The following PCDHA13 variants were observed in gnomAD, a reference collection of about 807,000 sequenced individuals.
PCDHA13 encodes protocadherin alpha 13.
PCDHA13 carries 54 observed loss-of-function variants against 64.8 expected under a neutral mutation model. The ratio of observed to expected loss-of-function variants is 0.83; its 90% CI spans 0.67 to 1.04. PCDHA13 has a LOEUF of 1.04. PCDHA13 is among the 50% of genes least tolerant of loss of function. The pLI is 0.00. For synonymous variants in PCDHA13, 587 were observed against 564.4 expected (o/e 1.04, Z -0.57); for missense variants, 1,248 against 1,254.3 (o/e 0.99, Z 0.08).
At chr5:140,960,177 G>C (rs2095530246) in intron 1 of PCDHA13, among the ~76,000 whole-genome samples, 1 of 152,052 alleles carries the variant, frequency 6.6e-6, no homozygotes, top group Non-Finnish European at 1.5e-5. Flanking sequence ...CTTAAGTTAG[G>C]GGTTGCATGT....
intron 1 of PCDHA13, among the ~76,000 whole-genome samples, chr5:140,941,977 A>G (rs1247578104): frequency 6.6e-6 from 1 of 152,154 alleles, no homozygotes; most frequent in Admixed American, 6.5e-5. Context: ...CTTTCCCTAA[A>G]CCTTGATAAG....
intron 1 of PCDHA13, among the ~76,000 whole-genome samples, chr5:140,909,493 G>T (rs989826667): frequency 6.6e-6 from 1 of 152,184 alleles, no homozygotes; most frequent in African/African-American, 2.4e-5. Context: ...AGAGCTGAAC[G>T]GGGATGTGGT....
chr5:140,884,358 A>G lies in PCDHA13; in HGVS notation c.2090A>G (p.Asn697Ser), dbSNP rs546242835. Residue 697 changes from asparagine to serine, a missense_variant, in exon 1 of 4, where the codon AAT (asparagine) becomes AGT (serine). Coordinates refer to ENST00000289272, the MANE Select transcript of PCDHA13 (RefSeq NM_018904.3). Reference sequence around the variant, plus strand: ...CCAGAAGCGGCGCTGGTGGATGTCAATGTTTACTTGATCATTGCCATCTGC... The same window carrying G: ...CCAGAAGCGGCGCTGGTGGATGTCAGTGTTTACTTGATCATTGCCATCTGC... ...VGPEAALVDV[N>S]VYLIIAICAV... The G allele has an allele frequency of 7.8e-5, 126 of 1,613,886 alleles. 3 individuals carry two copies. The South Asian group carries it at 1.1e-3, about 14-fold the overall frequency.
intron 3 of PCDHA13, among the ~76,000 whole-genome samples, chr5:140,983,792 ATG>A (rs1384223147): frequency 6.6e-6 from 1 of 152,212 alleles, no homozygotes; most frequent in Non-Finnish European, 1.5e-5. Context: ...AGATGACAGA[ATG>A]TGTGTGTAAA....
intron 1 of PCDHA13, among the ~76,000 whole-genome samples, chr5:140,932,619 A>T (rs535899807): frequency 5.3e-5 from 8 of 152,056 alleles, no homozygotes; most frequent in African/African-American, 1.9e-4. Context: ...TGAAGCTGAT[A>T]ACCACACTAA....
chr5:140,930,197 C>G (rs1417032734), intron 1 of PCDHA13: 1 of 152,080 alleles, frequency 6.6e-6, no homozygotes, highest in African/African-American at 2.4e-5. Flanking sequence ...ATTTTTATGT[C>G]AGAAATATTT....
chr5:140,993,406 T>G (rs1382987714), intron 3 of PCDHA13, among the ~76,000 whole-genome samples: 2 of 150,884 alleles, frequency 1.3e-5, no homozygotes, highest in Non-Finnish European at 2.9e-5. Context: ...TTAACCACCT[T>G]CATCAGCATT....
In PCDHA13 at chr5:140,882,124, C is replaced by T. The variant is rs1166492594; in HGVS notation, c.-145C>T. On this transcript the variant is annotated 5_prime_UTR_variant, in exon 1 of 4. Transcript: ENST00000289272. ...CCGCGAAGAAAGCCGCCGTTTCTTT[C>T]TTCCTGCAGAAAATATAGCAGAAAG... 1.4e-6 allele frequency: 2 copies of T among 1,459,646 alleles called. No individual in the cohort carries two copies. The highest frequency in any genetic ancestry group is 1.4e-5 in the African/African-American group (1 of 70,638). 90.4% of individuals were successfully genotyped at this position (1,459,646 alleles called of 1,614,324 possible).
chr5:140,924,902 AAAATAAAAT>A (rs1211271652), intron 1 of PCDHA13, among the ~76,000 whole-genome samples: 3 of 39,024 alleles, frequency 7.7e-5, no homozygotes, highest in African/African-American at 2.3e-4. Context: ...CTCAAAAAAA[AAAATAAAAT>A]AAAATAAAAT....
chr5:140,938,092 A>G (rs1255638035), intron 1 of PCDHA13, among the ~76,000 whole-genome samples: 4 of 152,034 alleles, frequency 2.6e-5, no homozygotes, highest in African/African-American at 9.7e-5. Context: ...TAGTTTTATT[A>G]TTGTATTTTT....
rs1464189390 is a variant in PCDHA13 at position 140,882,641 on chromosome 5, G to A, written c.373G>A (p.Asp125Asn). The change falls in exon 1 of 4, where the codon GAC becomes AAC. Residue 125 changes from aspartate to asparagine, a missense_variant. Asp to Asn is a conservative substitution (Grantham distance 23, BLOSUM62 1). Coordinates refer to ENST00000289272, the MANE Select transcript of PCDHA13 (RefSeq NM_018904.3). ...QVFHVEVKVR[D>N]INDNPPIFPE... is the part of the protein sequence containing the mutation. ...TTTCCATGTGGAGGTGAAGGTGAGG[G>A]ACATTAACGACAACCCGCCCATATT... 6.2e-7 allele frequency: 1 copy of A among 1,614,104 alleles called. No homozygotes were observed. The highest frequency in any genetic ancestry group is 8.5e-7 in the Non-Finnish European group (1 of 1,180,056).
rs1340644606 is a variant in PCDHA13 at position 140,882,524 on chromosome 5, G to C, written c.256G>C (p.Val86Leu). ...EVNLQNGILF[V>L]NSRIDREELC... Reference sequence around the variant, plus strand: ...AAATCTGCAGAATGGCATTTTGTTTGTGAATTCTCGGATCGACCGCGAGGA... The same window carrying C: ...AAATCTGCAGAATGGCATTTTGTTTCTGAATTCTCGGATCGACCGCGAGGA... Residue 86 changes from valine to leucine, a missense_variant, in exon 1 of 4, where the codon GTG becomes CTG. Val to Leu is a conservative substitution (Grantham distance 32). Transcript: ENST00000289272. 16 of 1,614,090 alleles carry C rather than the reference G, an allele frequency of 9.9e-6. No homozygotes were observed. Among genetic ancestry groups the C allele is most frequent in the African/African-American group, 2.7e-5 (2 of 74,946 alleles).
rs1562773759 is a variant in PCDHA13 at position 140,882,388 on chromosome 5, A to G, written c.120A>G (p.Lys40=). 2.5e-6 allele frequency: 4 copies of G among 1,614,158 alleles called. No individual in the cohort carries two copies. The African/African-American group carries it at 4.0e-5, about 16-fold the overall frequency. ...QLHYSVPEEA[K]HGTFVGRIAQ... Reference sequence around the variant, plus strand: ...ACTACTCCGTCCCCGAGGAAGCAAAACACGGCACCTTCGTGGGCCGCATCG... The same window carrying G: ...ACTACTCCGTCCCCGAGGAAGCAAAGCACGGCACCTTCGTGGGCCGCATCG... Residue 40 remains lysine, a synonymous_variant, in exon 1 of 4, where the codon AAA becomes AAG. Transcript: ENST00000289272.
intron 1 of PCDHA13, among the ~76,000 whole-genome samples, chr5:140,914,947 T>TC (rs1232423561): frequency 7.0e-6 from 1 of 142,282 alleles, no homozygotes; most frequent in Non-Finnish European, 1.5e-5. Context: ...AAGTTGTCTT[T>TC]TTTTTTTTTT....
intron 1 of PCDHA13, among the ~76,000 whole-genome samples, chr5:140,919,051 T>G (rs1443609855): frequency 1.3e-5 from 2 of 152,238 alleles, no homozygotes; most frequent in Non-Finnish European, 2.9e-5. Flanking sequence ...TTATTGGAAG[T>G]GGAGTATTAA....
At chr5:140,924,895 AAAAAAAAAAATAAAATAAAATAAAAT>A (rs1157767234) in intron 1 of PCDHA13, among the ~76,000 whole-genome samples, 8 of 132,230 alleles carry the variant, frequency 6.1e-5, no homozygotes, top group East Asian at 2.1e-4. Flanking sequence ...AACCTGTCTC[AAAAAAAAAAATAAAATAAAATAAAAT>A]AAAATAAAAT....
At chr5:140,925,800 C>T (rs1318763578) in intron 1 of PCDHA13, among the ~76,000 whole-genome samples, 5 of 152,070 alleles carry the variant, frequency 3.3e-5, no homozygotes, top group African/African-American at 1.2e-4. Context: ...AGTACTTTCC[C>T]CTCCACTTCT....
chr5:140,958,035 T>G (rs1284725890), intron 1 of PCDHA13, among the ~76,000 whole-genome samples: 2 of 152,120 alleles, frequency 1.3e-5, no homozygotes, highest in African/African-American at 4.8e-5. Context: ...ATGCTTTCTT[T>G]GCTTGTGATA....
chr5:140,967,240 C>T, intron 1 of PCDHA13: 1 of 1,613,644 alleles, frequency 6.2e-7, no homozygotes, highest in African/African-American at 1.3e-5. Flanking sequence ...TTCAGGTAAG[C>T]GAATCGGTGG....
Sources: gnomAD v4.1 joint callset for allele counts (sites outside exome capture counted in the v4.1 genomes callset) on GRCh38, gnomAD v4.1.1 for gene constraint, MANE v1.5 for transcripts, NCBI Gene and HGNC (gene_info 2026-07-23, HGNC 2026-07-21) for gene names.